Variants in TMEM131L observed in about 807,000 individuals in gnomAD.
The protein encoded by TMEM131L is transmembrane 131 like, also known as transmembrane protein 131-like.
A neutral mutation model predicts 192.2 loss-of-function variants in TMEM131L; 54 were observed. The observed-to-expected ratio is 0.28, with a 90% CI of 0.23 to 0.35. The LOEUF is 0.35. Among genes scored for constraint, TMEM131L ranks in the 10% least tolerant of loss-of-function variants. The pLI, the probability that TMEM131L is intolerant of heterozygous loss-of-function variation, is 1.00. For synonymous variants in TMEM131L, 701 were observed against 704.9 expected (o/e 0.99, Z 0.09); for missense variants, 1,888 against 1,972.9 (o/e 0.96, Z 0.82).
At position 153,620,897 on chromosome 4, in the gene TMEM131L, A is replaced by G. The variant is rs768851341; in HGVS notation, c.3692+17A>G. ...AGTCTCAAGGTGCGTAATTCTTACTATCTCTAATATTTTGATCTATTTTTC... is the reference window on the plus strand; with the variant it reads ...AGTCTCAAGGTGCGTAATTCTTACTGTCTCTAATATTTTGATCTATTTTTC... On this transcript the variant is annotated intron_variant, in intron 27 of 34. Coordinates refer to ENST00000409959, the MANE Select transcript of TMEM131L (RefSeq NM_001131007.2). The G allele has an allele frequency of 2.1e-5, 33 of 1,564,036 alleles. No individual in the cohort carries two copies. The highest frequency in any genetic ancestry group is 1.7e-4 in the Middle Eastern group (1 of 5,948).
chr4:153,609,565 G>C (rs1340587327), intron 25 of TMEM131L, among the ~76,000 whole-genome samples: 5 of 152,308 alleles, frequency 3.3e-5, no homozygotes, highest in African/African-American at 1.2e-4. Context: ...CAGAGTCACT[G>C]CAGAACTTGT....
intron 3 of TMEM131L, among the ~76,000 whole-genome samples, chr4:153,512,804 G>A (rs1432101190): frequency 6.6e-6 from 1 of 152,106 alleles, no homozygotes; most frequent in Admixed American, 6.5e-5. Context: ...AGTAGAGATG[G>A]GGTTTCACCA....
intron 3 of TMEM131L, among the ~76,000 whole-genome samples, chr4:153,532,791 C>T (rs992767239): frequency 6.6e-6 from 1 of 152,032 alleles, no homozygotes; most frequent in African/African-American, 2.4e-5. Context: ...GACTTTTGGA[C>T]ACAATCTCAT....
At chr4:153,620,553 CT>C (rs1733317066) in intron 26 of TMEM131L, among the ~76,000 whole-genome samples, 1 of 152,146 alleles carries the variant, frequency 6.6e-6, no homozygotes, top group African/African-American at 2.4e-5. Context: ...GGCAACAATT[CT>C]TTTTTCTTCT....
chr4:153,581,543 A>T lies in TMEM131L; in HGVS notation c.875A>T (p.Asp292Val), dbSNP rs150068649. Residue 292 changes from aspartate to valine, a missense_variant, in exon 9 of 35, where the codon GAT becomes GTT. Physicochemically the swap from Asp to Val is radical, Grantham distance 152. Coordinates refer to ENST00000409959, the MANE Select transcript of TMEM131L (RefSeq NM_001131007.2). ...CTCTCTATTGTTTACGTAGCTACAG[A>T]TGAATCTGAGACCTCAGGTAAGGTG... ...DHLSIVYVAT[D>V]ESETSDDSAV... 6.4e-7 allele frequency: 1 copy of T among 1,567,472 alleles called. No individual in the cohort carries two copies. The highest frequency in any genetic ancestry group is 1.2e-5 in the South Asian group (1 of 83,394).
intron 3 of TMEM131L, among the ~76,000 whole-genome samples, chr4:153,497,921 G>A (rs540198795): frequency 3.3e-5 from 5 of 149,310 alleles, no homozygotes; most frequent in East Asian, 2.0e-4. Flanking sequence ...AGACTTGTAC[G>A]GTGAACACCC....
intron 3 of TMEM131L, among the ~76,000 whole-genome samples, chr4:153,477,309 GT>G (rs1731610475): frequency 6.6e-6 from 1 of 152,208 alleles, no homozygotes; most frequent in African/African-American, 2.4e-5. Context: ...GGCAGGTAGA[GT>G]TGATACCACT....
chr4:153,548,993 C>T (rs904344976), intron 3 of TMEM131L, among the ~76,000 whole-genome samples: 1 of 152,140 alleles, frequency 6.6e-6, no homozygotes. Context: ...CAAAAATGGT[C>T]TTGCTCTGTC....
intron 19 of TMEM131L, among the ~76,000 whole-genome samples, chr4:153,594,999 A>G (rs943636662): frequency 4.6e-5 from 7 of 152,324 alleles, no homozygotes; most frequent in Non-Finnish European, 8.8e-5. Flanking sequence ...TTCTATTTAG[A>G]TGTGAACAAA....
At chr4:153,615,776 C>T (rs1226070131) in intron 26 of TMEM131L, among the ~76,000 whole-genome samples, 1 of 152,098 alleles carries the variant, frequency 6.6e-6, no homozygotes, top group Non-Finnish European at 1.5e-5. Flanking sequence ...AATGGATTAT[C>T]CCAAGGTCCC....
At chr4:153,512,769 A>G (rs1459158235) in intron 3 of TMEM131L, among the ~76,000 whole-genome samples, 1 of 152,108 alleles carries the variant, frequency 6.6e-6, no homozygotes, top group African/African-American at 2.4e-5. Flanking sequence ...TCGAGCCACC[A>G]AGCTCAGCTA....
Position 153,520,272 on chromosome 4 carries a change from T to G in TMEM131L, c.240-29801T>G, listed in dbSNP as rs375861275. On this transcript the variant is annotated intron_variant, in intron 3 of 34. Transcript: ENST00000409959. ...GAGTTTGAGACCAGCCTAGGCAACA[T>G]AGGGAGACCCCACCTCTGCGTTAAA... 3.3e-5 allele frequency among the ~76,000 whole-genome samples: 5 copies of G among 151,744 alleles called. No individual in the cohort carries two copies. The East Asian group carries it at 9.6e-4, about 29-fold the overall frequency.
At chr4:153,529,569 G>C (rs541851506) in intron 3 of TMEM131L, among the ~76,000 whole-genome samples, 6 of 152,320 alleles carry the variant, frequency 3.9e-5, no homozygotes, top group Admixed American at 3.9e-4. Flanking sequence ...GAATCCTTGG[G>C]GGGAAAATCT....
chr4:153,502,649 C>T (rs1580085486), intron 3 of TMEM131L, among the ~76,000 whole-genome samples: 2 of 152,146 alleles, frequency 1.3e-5, no homozygotes, highest in South Asian at 2.1e-4. Context: ...AAAACTTCTG[C>T]GTATAGAAGA....
chr4:153,493,556 A>C (rs972880380), intron 3 of TMEM131L, among the ~76,000 whole-genome samples: 55 of 151,982 alleles, frequency 3.6e-4, no homozygotes, highest in African/African-American at 1.3e-3. Flanking sequence ...GCTACTTGGG[A>C]GGCTGAGGCA....
rs891288554 is a variant in TMEM131L at position 153,583,670 on chromosome 4, A to G, written c.1058A>G (p.Lys353Arg). ...ACAAAAATTGCTTCTTTTACCTGCA[A>G]AGGTACAGATTTTTAAACAGATTGT... ...NFTKIASFTC[K>R]AATSCDSGII... Residue 353 changes from lysine (K) to arginine (R), a missense_variant and splice_region_variant, in exon 11 of 35, where the codon AAA (lysine) becomes AGA (arginine). Lys to Arg is a conservative substitution (Grantham distance 26). Coordinates refer to ENST00000409959, the MANE Select transcript of TMEM131L (RefSeq NM_001131007.2). 85 of 1,537,840 alleles carry G rather than the reference A, an allele frequency of 5.5e-5. No homozygotes were observed. Among genetic ancestry groups the G allele is most frequent in the Non-Finnish European group, 7.3e-5 (82 of 1,117,232 alleles).
intron 9 of TMEM131L, among the ~76,000 whole-genome samples, chr4:153,582,430 G>GTTTTTTTT (rs1561212531): frequency 5.2e-5 from 2 of 38,534 alleles, no homozygotes; most frequent in Non-Finnish European, 9.2e-5. Flanking sequence ...GTTTTTTTTT[G>GTTTTTTTT]TTGTTTTTTT....
intron 7 of TMEM131L, among the ~76,000 whole-genome samples, chr4:153,575,554 A>T (rs1729876716): frequency 1.3e-5 from 2 of 152,068 alleles, no homozygotes; most frequent in South Asian, 4.1e-4. Flanking sequence ...TAGCCCCAAG[A>T]TCTTTGATAA....
intron 16 of TMEM131L, 133 bp from the exon 17 acceptor site, chr4:153,590,920 C>G: frequency 2.0e-6 from 1 of 491,010 alleles, no homozygotes; most frequent in Non-Finnish European, 3.2e-6. Context: ...CTAGAATAAA[C>G]CATTTCCCCA....
Sources: allele counts gnomAD v4.1 joint callset (sites outside exome capture counted in the v4.1 genomes callset), GRCh38; gene constraint gnomAD v4.1.1; transcripts MANE v1.5; gene names NCBI Gene and HGNC (gene_info 2026-07-23, HGNC 2026-07-21).